Variants in TRIM51G observed in about 807,000 individuals in gnomAD.
TRIM51G encodes the protein tripartite motif-containing protein 51G.
chr11:48,979,149 T>C, the TRIM51G span: 49 of 680,932 alleles, frequency 7.2e-5, no homozygotes, highest in South Asian at 7.3e-4. Context: ...CCATCTTCTC[T>C]TGAATTTCAC....
chr11:48,981,648 G>A, the TRIM51G span: 3 of 1,599,062 alleles, frequency 1.9e-6, no homozygotes, highest in Non-Finnish European at 2.6e-6. Flanking sequence ...TCATGCAGAT[G>A]GGACAGATGA....
chr11:48,982,837 A>G, the TRIM51G span, among the ~76,000 whole-genome samples: 2 of 135,024 alleles, frequency 1.5e-5, no homozygotes, highest in African/African-American at 2.8e-5. Context: ...ACAAACCTAG[A>G]TGGTATAGCC....
chr11:48,980,515 C>T, the TRIM51G span, among the ~76,000 whole-genome samples: 41 of 152,110 alleles, frequency 2.7e-4, no homozygotes, highest in Admixed American at 2.7e-3. Flanking sequence ...AATATACTTG[C>T]CCACCAGCAT....
chr11:48,977,268 G>C, the TRIM51G span: 1 of 673,696 alleles, frequency 1.5e-6, no homozygotes, highest in African/African-American at 1.8e-5. Context: ...CATTTCATGA[G>C]AATCCCTTTA....
chr11:48,975,659 G>A, the TRIM51G span: 4 of 1,433,824 alleles, frequency 2.8e-6, no homozygotes, highest in Non-Finnish European at 3.9e-6. Flanking sequence ...GGAACATATT[G>A]CATTACAAGT....
At chr11:48,978,839 TCAA>T in the TRIM51G span, 11 of 975,552 alleles carry the variant, frequency 1.1e-5, no homozygotes, top group Non-Finnish European at 1.7e-5. Context: ...ACTTGAATCT[TCAA>T]CATCATGATA....
the TRIM51G span, chr11:48,980,914 ATC>A: frequency 2.0e-6 from 1 of 490,476 alleles, no homozygotes; most frequent in South Asian, 1.5e-5. Context: ...ACCTTCCAGC[ATC>A]TGATTCTGTT....
the TRIM51G span, chr11:48,975,918 A>G: frequency 1.3e-6 from 1 of 754,998 alleles, no homozygotes; most frequent in Admixed American, 1.7e-5. Context: ...GTTGAGGGTC[A>G]CATCCAACCT....
At chr11:48,983,882 C>T in the TRIM51G span, among the ~76,000 whole-genome samples, 12 of 152,102 alleles carry the variant, frequency 7.9e-5, no homozygotes, top group African/African-American at 1.9e-4. Flanking sequence ...CTGTCCTCCT[C>T]TGGAGAAATA....
At chr11:48,980,815 A>G in the TRIM51G span, 279 of 401,782 alleles carry the variant, frequency 6.9e-4, no homozygotes, top group Non-Finnish European at 1.2e-3. Context: ...ATTTCCAGAA[A>G]CATTATGGGT....
the TRIM51G span, among the ~76,000 whole-genome samples, chr11:48,979,452 G>A: frequency 5.4e-4 from 82 of 152,148 alleles, no homozygotes; most frequent in East Asian, 0.01. Flanking sequence ...GGAGAATTGG[G>A]GCAAGTTATG....
chr11:48,979,225 A>G, the TRIM51G span: 4 of 550,172 alleles, frequency 7.3e-6, no homozygotes, highest in Admixed American at 4.9e-5. Flanking sequence ...CTCAGATTCC[A>G]CAAAATTTTA....
At chr11:48,981,550 A>G in the TRIM51G span, 1 of 1,602,312 alleles carries the variant, frequency 6.2e-7, no homozygotes, top group Non-Finnish European at 8.5e-7. Context: ...GCACTGAGCA[A>G]GAACTGCCAT....
chr11:48,977,208 A>G, the TRIM51G span: 69 of 1,030,042 alleles, frequency 6.7e-5, no homozygotes, highest in East Asian at 1.6e-3. Context: ...TAGAGTTACC[A>G]TATCAACAGC....
At chr11:48,976,137 T>C in the TRIM51G span, 1 of 352,986 alleles carries the variant, frequency 2.8e-6, no homozygotes, top group Non-Finnish European at 5.5e-6. Flanking sequence ...GATTACAACA[T>C]TTAAGAAAGT....
chr11:48,978,138 C>T, the TRIM51G span: 1 of 526,432 alleles, frequency 1.9e-6, no homozygotes, highest in African/African-American at 1.9e-5. Context: ...ATGTACTCAC[C>T]TTTGTAATAT....
chr11:48,982,946 G>GGTGTGT, the TRIM51G span, among the ~76,000 whole-genome samples: 3,965 of 48,482 alleles, frequency 0.082, 61 homozygotes, highest in East Asian at 0.27. Flanking sequence ...AAGTATTTTT[G>GGTGTGT]GTATATATAC....
chr11:48,982,389 G>A, the TRIM51G span, among the ~76,000 whole-genome samples: 121,101 of 152,000 alleles, frequency 0.8, 48,501 homozygotes, highest in Non-Finnish European at 0.81. Context: ...TGGTATTACA[G>A]TTAATTATAG....
At chr11:48,982,947 GTATATATACATATATATA>G in the TRIM51G span, among the ~76,000 whole-genome samples, 27,259 of 83,294 alleles carry the variant, frequency 0.33, 953 homozygotes, top group Non-Finnish European at 0.38. Context: ...AGTATTTTTG[GTATATATACATATATATA>G]TATATATATA....
Sources: gnomAD v4.1 joint callset for allele counts (sites outside exome capture counted in the v4.1 genomes callset) on GRCh38, gnomAD v4.1.1 for gene constraint, MANE v1.5 for transcripts, NCBI Gene and HGNC (gene_info 2026-07-23, HGNC 2026-07-21) for gene names.